The following ABCA5 variants were observed in gnomAD, a reference collection of about 807,000 sequenced individuals.
The protein encoded by ABCA5 is ATP binding cassette subfamily A member 5.
A neutral mutation model predicts 206.0 loss-of-function variants in ABCA5; 163 were observed. That is an observed-to-expected ratio of 0.79 (90% CI 0.70 to 0.90). ABCA5 has a LOEUF of 0.90. Ranked by LOEUF, ABCA5 falls within the 40% of genes least tolerant of loss-of-function variation. The probability of loss-of-function intolerance (pLI) is 0.00; values close to 1 mark genes in which losing one functional copy is unlikely to be tolerated. For synonymous variants in ABCA5, 609 were observed against 613.8 expected, an observed-to-expected ratio of 0.99 and a Z score of 0.11; for missense variants, 1,859 against 1,912.9, an observed-to-expected ratio of 0.97 and a Z score of 0.53.
intron 19 of ABCA5, among the ~76,000 whole-genome samples, chr17:69,276,797 TA>T (rs1192307751): frequency 6.6e-6 from 1 of 152,114 alleles, no homozygotes; most frequent in African/African-American, 2.4e-5. Flanking sequence ...ACTTAAAGTA[TA>T]AAAAAATAAT....
At chr17:69,253,215 T>C (rs1458352753) in intron 34 of ABCA5, among the ~76,000 whole-genome samples, 1 of 152,208 alleles carries the variant, frequency 6.6e-6, no homozygotes, top group African/African-American at 2.4e-5. Flanking sequence ...ATGACTGTCC[T>C]AGAAAGAGTC....
chr17:69,312,164 T>G (rs1405300753), intron 3 of ABCA5, among the ~76,000 whole-genome samples: 2 of 152,330 alleles, frequency 1.3e-5, no homozygotes, highest in Non-Finnish European at 2.9e-5. Context: ...GTTTAATCAT[T>G]AATAGCATAA....
At chr17:69,272,977 C>T (rs1016795162) in intron 20 of ABCA5, among the ~76,000 whole-genome samples, 7 of 152,142 alleles carry the variant, frequency 4.6e-5, no homozygotes, top group Non-Finnish European at 7.4e-5. Flanking sequence ...GAGTCTGCTA[C>T]AGAATAGGAG....
intron 10 of ABCA5, among the ~76,000 whole-genome samples, chr17:69,295,846 C>T (rs1352205473): frequency 6.6e-6 from 1 of 151,968 alleles, no homozygotes; most frequent in Non-Finnish European, 1.5e-5. Flanking sequence ...TTACAAATCT[C>T]CAAAAAAATT....
intron 4 of ABCA5, among the ~76,000 whole-genome samples, chr17:69,308,845 T>A (rs1443663174): frequency 6.6e-6 from 1 of 152,134 alleles, no homozygotes; most frequent in Non-Finnish European, 1.5e-5. Context: ...TATTTCTTCA[T>A]AGATTTAAAC....
At chr17:69,276,160 C>T (rs936276903) in intron 19 of ABCA5, among the ~76,000 whole-genome samples, 9 of 152,158 alleles carry the variant, frequency 5.9e-5, no homozygotes, top group African/African-American at 2.2e-4. Context: ...GATCTTGGCT[C>T]ACTGCAACCT....
chr17:69,287,565 CCTTTTGG>C, intron 15 of ABCA5, 41 bp downstream of exon 15: 1 of 1,573,664 alleles, frequency 6.4e-7, no homozygotes, highest in Non-Finnish European at 8.6e-7. Flanking sequence ...TATCCATCTT[CCTTTTGG>C]CCCATGATCT....
intron 36 of ABCA5, 35 bp downstream of exon 36, chr17:69,250,437 A>G (rs2074998764): frequency 8.9e-6 from 14 of 1,573,450 alleles, no homozygotes; most frequent in Non-Finnish European, 1.1e-5. Flanking sequence ...CCTTTGCTCT[A>G]TAAAGAAATA....
rs370948728 is a variant in ABCA5 at position 69,252,272 on chromosome 17, CA to C, written c.4416-407del. 2.9e-4 allele frequency among the ~76,000 whole-genome samples: 44 copies of C among 152,152 alleles called. No homozygotes were observed. The East Asian group carries it at 6.2e-3, about 21-fold the overall frequency. On this transcript the variant is annotated intron_variant, in intron 34 of 38. Coordinates refer to ENST00000392676, the MANE Select transcript of ABCA5 (RefSeq NM_172232.4). ...CTCGTGGTCTGCTGCCTCAGCCTCC[CA>C]AAGTGCTGGGATTACAGGCGTGAGC...
chr17:69,271,362 T>G, intron 20 of ABCA5, 73 bp from the exon 21 acceptor site: 1 of 1,422,398 alleles, frequency 7.0e-7, no homozygotes, highest in South Asian at 1.4e-5. Flanking sequence ...GGAAGATAAT[T>G]CTATTTTTAG....
intron 18 of ABCA5, among the ~76,000 whole-genome samples, chr17:69,280,111 A>T (rs1021738405): frequency 6.6e-6 from 1 of 152,164 alleles, no homozygotes; most frequent in Admixed American, 6.5e-5. Flanking sequence ...ACAAAATGGG[A>T]GAAAATGTTC....
At chr17:69,298,199 C>G (rs1353306985) in intron 9 of ABCA5, among the ~76,000 whole-genome samples, 2 of 99,454 alleles carry the variant, frequency 2.0e-5, no homozygotes, top group African/African-American at 4.0e-5. Flanking sequence ...AAAGACACAG[C>G]AAAACCCTGT....
chr17:69,250,451 C>A (rs781354639), intron 36 of ABCA5, 21 bp downstream of exon 36: 3 of 1,590,172 alleles, frequency 1.9e-6, no homozygotes, highest in East Asian at 4.5e-5. Flanking sequence ...AGAAATATAA[C>A]CACATTCTTT....
chr17:69,269,281 A>G (rs1365411998), intron 22 of ABCA5, among the ~76,000 whole-genome samples: 3 of 152,232 alleles, frequency 2.0e-5, no homozygotes, highest in South Asian at 2.1e-4. Context: ...GAAGGAAACA[A>G]GATTGGAGAG....
chr17:69,282,719 C>T (rs924942615), intron 18 of ABCA5, among the ~76,000 whole-genome samples: 3 of 149,132 alleles, frequency 2.0e-5, no homozygotes, highest in Non-Finnish European at 4.4e-5. Flanking sequence ...TTGCAGTGAG[C>T]CGGGATGGTG....
At position 69,268,143 on chromosome 17, in the gene ABCA5, A is replaced by T. The variant is rs559270464; in HGVS notation, c.3031-87T>A. ...CTTAGGATATATCTTATATCAAAAA[A>T]AAATCAAAACCTCAGAAAGAATGTA... is the stretch of plus-strand genomic sequence containing the variant. On this transcript the variant is annotated intron_variant, in intron 22 of 38. Transcript: ENST00000392676. 5 of 621,770 alleles carry T rather than the reference A, an allele frequency of 8.0e-6. No individual in the cohort carries two copies. In the Admixed American group the frequency reaches 1.6e-4, roughly 20 times the overall value. The allele number at this position is 621,770 out of a possible 1,614,324, so 38.5% of individuals were successfully genotyped here.
rs1249490092 is a variant in ABCA5 at position 69,287,638 on chromosome 17, G to C, written c.2016C>G (p.Phe672Leu). The C allele has an allele frequency of 2.5e-6, 4 of 1,611,588 alleles. No homozygotes were observed. The highest frequency in any genetic ancestry group is 3.4e-6 in the Non-Finnish European group (4 of 1,179,080). Residue 672 changes from phenylalanine to leucine, a missense_variant, in exon 15 of 39, where the codon TTC becomes TTG. Transcript: ENST00000392676. ...ANRVTVFSTH[F>L]MDEADILADR... ...CTGCAAGAATGTCAGCTTCATCCAT[G>C]AAATGAGTACTGAACACTGTCACCC...
intron 11 of ABCA5, among the ~76,000 whole-genome samples, chr17:69,291,604 T>G (rs17759819): frequency 0.16 from 24,775 of 152,164 alleles, 2,184 homozygotes; most frequent in African/African-American, 0.23. Context: ...TTTTGGGAAT[T>G]ACCAATGGAA....
At position 69,261,147 on chromosome 17, in the gene ABCA5, C is replaced by T. The variant is rs763724389; in HGVS notation, c.3542G>A (p.Gly1181Asp). The T allele has an allele frequency of 1.9e-6, 3 of 1,590,472 alleles. No individual in the cohort carries two copies. The highest frequency in any genetic ancestry group is 1.4e-5 in the African/African-American group (1 of 74,070). Residue 1181 changes from glycine to aspartate, a missense_variant, in exon 26 of 39, where the codon GGT (glycine) becomes GAT (aspartate). Physicochemically the swap from Gly to Asp is moderately conservative, Grantham distance 94. Coordinates refer to ENST00000392676, the MANE Select transcript of ABCA5 (RefSeq NM_172232.4). ...TACCTTTATGAAAGAAATCAGGCAA[C>T]CTAGAAGTGGATAGATTGGAATGAT... ...CIIIPIYPLL[G>D]CLISFIKISW...
Sources: allele counts gnomAD v4.1 joint callset (sites outside exome capture counted in the v4.1 genomes callset), GRCh38; gene constraint gnomAD v4.1.1; transcripts MANE v1.5; gene names NCBI Gene and HGNC (gene_info 2026-07-23, HGNC 2026-07-21).